Variants in GUCY1A2 observed in about 807,000 individuals in gnomAD.
GUCY1A2 encodes guanylate cyclase soluble subunit alpha-2.
GUCY1A2 carries 27 observed loss-of-function variants against 63.5 expected under a neutral mutation model. The ratio of observed to expected loss-of-function variants is 0.43; its 90% CI spans 0.31 to 0.59. The LOEUF is 0.59. Ranked by LOEUF, GUCY1A2 falls within the 20% of genes least tolerant of loss-of-function variation. The pLI is 0.11. For missense variants in GUCY1A2, 768 were observed against 913.3 expected, an observed-to-expected ratio of 0.84 and a Z score of 2.05; for synonymous variants, 364 against 343.5, an observed-to-expected ratio of 1.06 and a Z score of -0.66.
intron 7 of GUCY1A2, among the ~76,000 whole-genome samples, chr11:106,699,892 C>T (rs1478346710): frequency 2.0e-5 from 3 of 152,004 alleles, no homozygotes; most frequent in African/African-American, 7.3e-5. Flanking sequence ...CGCCATTCTC[C>T]TGCCTCAGCC....
intron 7 of GUCY1A2, among the ~76,000 whole-genome samples, chr11:106,705,642 C>T (rs576546034): frequency 1.4e-4 from 22 of 151,978 alleles, no homozygotes; most frequent in East Asian, 7.7e-4. Context: ...GGGCAGATCA[C>T]GAGGTCAGGA....
At chr11:106,803,916 T>C (rs1041130057) in intron 5 of GUCY1A2, among the ~76,000 whole-genome samples, 1 of 152,214 alleles carries the variant, frequency 6.6e-6, no homozygotes, top group African/African-American at 2.4e-5. Context: ...GGTTAAACCC[T>C]CTTCAGGTAA....
chr11:106,876,016 C>T (rs568213662), intron 4 of GUCY1A2, among the ~76,000 whole-genome samples: 2 of 152,044 alleles, frequency 1.3e-5, no homozygotes, highest in African/African-American at 2.4e-5. Flanking sequence ...AGTGTTGACC[C>T]TTTCCAGGTG....
chr11:106,863,686 A>T (rs970295423), intron 4 of GUCY1A2, among the ~76,000 whole-genome samples: 8 of 152,036 alleles, frequency 5.3e-5, no homozygotes, highest in African/African-American at 1.7e-4. Context: ...GTCAATGGTA[A>T]CTTGATGGGG....
rs759458010 is a variant in GUCY1A2 at position 106,810,067 on chromosome 11, T to A, written c.1618A>T (p.Met540Leu). The A allele has an allele frequency of 6.8e-6, 11 of 1,612,774 alleles. No individual in the cohort carries two copies. Among genetic ancestry groups the A allele is most frequent in the Non-Finnish European group, 7.6e-6 (9 of 1,178,916 alleles). The change falls in exon 5 of 8, where the codon ATG becomes TTG. Residue 540 changes from methionine to leucine, a missense_variant. Physicochemically the swap from Met to Leu is conservative, Grantham distance 15 (BLOSUM62 2). Transcript: ENST00000526355. Reference protein sequence around the residue: ...FTAICAQCTPMQVISMLNELY... With the variant: ...FTAICAQCTPLQVISMLNELY... ...TCATTCAGCATGCTGATTACTTGCA[T>A]GGGAGTACACTGGGCACATATGGCT... is the stretch of plus-strand genomic sequence containing the variant.
chr11:106,842,371 A>T (rs185046980), intron 4 of GUCY1A2, among the ~76,000 whole-genome samples: 1 of 152,026 alleles, frequency 6.6e-6, no homozygotes, highest in Non-Finnish European at 1.5e-5. Flanking sequence ...GCCCTGACTG[A>T]TATGCTAATA....
chr11:106,711,543 A>G (rs1014140384), intron 6 of GUCY1A2, among the ~76,000 whole-genome samples: 31 of 152,192 alleles, frequency 2.0e-4, no homozygotes, highest in Admixed American at 1.7e-3. Context: ...GGTCCTTTTC[A>G]TTGGTCCTTC....
chr11:106,892,677 G>A (rs1192187031), intron 4 of GUCY1A2, among the ~76,000 whole-genome samples: 2 of 152,002 alleles, frequency 1.3e-5, no homozygotes, highest in African/African-American at 4.8e-5. Flanking sequence ...CCTGATTTTA[G>A]TAAATGATGT....
At chr11:106,951,906 T>C (rs973926246) in intron 3 of GUCY1A2, among the ~76,000 whole-genome samples, 8 of 152,226 alleles carry the variant, frequency 5.3e-5, no homozygotes, top group Non-Finnish European at 1.2e-4. Context: ...CTTGAGTTAA[T>C]TTTTGTATAA....
intron 6 of GUCY1A2, among the ~76,000 whole-genome samples, chr11:106,758,525 T>C (rs1864012471): frequency 6.6e-6 from 1 of 152,142 alleles, no homozygotes; most frequent in South Asian, 2.1e-4. Context: ...CCAACCAGTC[T>C]CAATGAGATG....
chr11:106,709,474 AT>A (rs1392716491), intron 6 of GUCY1A2, among the ~76,000 whole-genome samples: 3 of 82,602 alleles, frequency 3.6e-5, no homozygotes, highest in East Asian at 2.8e-4. Flanking sequence ...AATAATATAT[AT>A]TATTATATAT....
intron 6 of GUCY1A2, among the ~76,000 whole-genome samples, chr11:106,754,986 AC>A (rs1269588059): frequency 1.3e-5 from 2 of 152,066 alleles, no homozygotes; most frequent in Non-Finnish European, 1.5e-5. Context: ...CTGGTCCTGG[AC>A]TTTTTTTGGT....
chr11:106,744,163 GT>G (rs750855069), intron 6 of GUCY1A2, among the ~76,000 whole-genome samples: 1 of 151,316 alleles, frequency 6.6e-6, no homozygotes, highest in Non-Finnish European at 1.5e-5. Flanking sequence ...AAACAAGAAA[GT>G]TGAGGAGGAT....
At chr11:106,998,531 T>C (rs1200312579) in intron 1 of GUCY1A2, among the ~76,000 whole-genome samples, 2 of 152,232 alleles carry the variant, frequency 1.3e-5, no homozygotes, top group African/African-American at 4.8e-5. Flanking sequence ...GAAAAGAAGG[T>C]ACTGATTGGA....
At chr11:106,829,657 G>C (rs1337937564) in intron 4 of GUCY1A2, among the ~76,000 whole-genome samples, 1 of 152,172 alleles carries the variant, frequency 6.6e-6, no homozygotes, top group Non-Finnish European at 1.5e-5. Flanking sequence ...CCTACCTTTA[G>C]AAGGTAAGTT....
chr11:106,822,037 C>G (rs564196008), intron 4 of GUCY1A2, among the ~76,000 whole-genome samples: 1 of 152,110 alleles, frequency 6.6e-6, no homozygotes, highest in Admixed American at 6.6e-5. Flanking sequence ...GGCTGGGACC[C>G]AAGTTGGCAA....
intron 4 of GUCY1A2, among the ~76,000 whole-genome samples, chr11:106,863,501 T>C (rs1298407041): frequency 1.3e-5 from 2 of 152,174 alleles, no homozygotes; most frequent in Non-Finnish European, 2.9e-5. Flanking sequence ...GGTCTATATA[T>C]CTGTTTTGGT....
intron 6 of GUCY1A2, among the ~76,000 whole-genome samples, chr11:106,755,659 G>C (rs935956585): frequency 1.3e-5 from 2 of 152,180 alleles, no homozygotes; most frequent in Non-Finnish European, 2.9e-5. Flanking sequence ...GTGCGGTTTT[G>C]AGTGAGTTTC....
rs533958972 is a variant in GUCY1A2, at chr11:106,722,662, C to T, written c.1837-13996G>A. ...TAAAAGGCTTGGTAGTATTTATTTA[C>T]GATTAGCCAGTCATCGATCCCATTC... On this transcript the variant is annotated intron_variant, in intron 6 of 7. Transcript: ENST00000526355. Among the ~76,000 whole-genome samples the T allele has an allele frequency of 5.3e-5, 8 of 151,932 alleles. No individual in the cohort carries two copies. In the East Asian group the frequency reaches 9.7e-4, roughly 18 times the overall value.
Sources: allele counts gnomAD v4.1 joint callset (sites outside exome capture counted in the v4.1 genomes callset), GRCh38; gene constraint gnomAD v4.1.1; transcripts MANE v1.5; gene names NCBI Gene and HGNC (gene_info 2026-07-23, HGNC 2026-07-21).